GRID1: variants seen among roughly 807,000 people sequenced by gnomAD.
The protein encoded by GRID1 is glutamate ionotropic receptor delta type subunit 1.
Under a neutral mutation model 98.0 loss-of-function variants are expected in GRID1, and 28 were observed. That is an observed-to-expected ratio of 0.29 (90% CI 0.21 to 0.39). GRID1 has a LOEUF of 0.39. Ranked by LOEUF, GRID1 falls within the 10% of genes least tolerant of loss-of-function variation. The pLI is 1.00. For synonymous variants in GRID1, 553 were observed against 538.5 expected (o/e 1.03, Z -0.37); for missense variants, 1,111 against 1,340.5 (o/e 0.83, Z 2.67).
chr10:85,937,597 A>G (rs1841944086), intron 4 of GRID1, among the ~76,000 whole-genome samples: 1 of 152,142 alleles, frequency 6.6e-6, no homozygotes. Flanking sequence ...CTTAAACTGT[A>G]AGATTCTAGA....
chr10:86,021,471 T>C (rs1184256237), intron 4 of GRID1, among the ~76,000 whole-genome samples: 1 of 152,192 alleles, frequency 6.6e-6, no homozygotes, highest in Non-Finnish European at 1.5e-5. Flanking sequence ...GTTTGTTTCA[T>C]TAATTGTTTT....
chr10:85,618,423 A>G (rs968947974), intron 14 of GRID1, among the ~76,000 whole-genome samples: 3 of 152,248 alleles, frequency 2.0e-5, no homozygotes, highest in African/African-American at 7.2e-5. Context: ...AAGAACACCA[A>G]CGTGTTATAA....
intron 4 of GRID1, among the ~76,000 whole-genome samples, chr10:85,990,384 G>T (rs61856005): frequency 0.056 from 8,520 of 152,264 alleles, 302 homozygotes; most frequent in Middle Eastern, 0.092. Context: ...GGCTCAGGGG[G>T]AATAAGTGTG....
At chr10:85,798,289 A>C (rs1796213122) in intron 8 of GRID1, among the ~76,000 whole-genome samples, 1 of 152,236 alleles carries the variant, frequency 6.6e-6, no homozygotes, top group Non-Finnish European at 1.5e-5. Context: ...TGAAGGTAAT[A>C]AGAAGAGATA....
At chr10:86,012,440 G>T (rs183518983) in intron 4 of GRID1, among the ~76,000 whole-genome samples, 62 of 152,296 alleles carry the variant, frequency 4.1e-4, no homozygotes, top group African/African-American at 1.4e-3. Flanking sequence ...AGCTGGCAGA[G>T]GTTAATTGAC....
chr10:85,969,400 C>T (rs1409868971), intron 4 of GRID1, among the ~76,000 whole-genome samples: 2 of 152,130 alleles, frequency 1.3e-5, no homozygotes, highest in Non-Finnish European at 2.9e-5. Flanking sequence ...CTCATGCACA[C>T]ATGGAACATT....
intron 4 of GRID1, among the ~76,000 whole-genome samples, chr10:86,098,332 T>C (rs966275186): frequency 6.6e-6 from 1 of 152,238 alleles, no homozygotes; most frequent in African/African-American, 2.4e-5. Context: ...ATGTGCATTC[T>C]TGTGTCTTGC....
intron 8 of GRID1, among the ~76,000 whole-genome samples, chr10:85,794,837 T>C (rs993980529): frequency 6.6e-6 from 1 of 152,182 alleles, no homozygotes; most frequent in African/African-American, 2.4e-5. Flanking sequence ...AACACTGATG[T>C]AGAAGTGTGA....
chr10:86,203,587 TATCAGG>T (rs1845984389), intron 3 of GRID1, among the ~76,000 whole-genome samples: 1 of 108,526 alleles, frequency 9.2e-6, no homozygotes, highest in Admixed American at 9.4e-5. Flanking sequence ...ATGCTTGTCA[TATCAGG>T]AGGCCGATGA....
chr10:85,689,522 G>A (rs549927467), intron 12 of GRID1, among the ~76,000 whole-genome samples: 12 of 150,816 alleles, frequency 8.0e-5, no homozygotes, highest in Admixed American at 4.6e-4. Context: ...AAAACATTCA[G>A]AAGTTGCTGA....
intron 2 of GRID1, among the ~76,000 whole-genome samples, chr10:86,266,228 A>G (rs113264645): frequency 1.6e-3 from 250 of 151,702 alleles, no homozygotes; most frequent in African/African-American, 5.4e-3. Context: ...TAACACACCT[A>G]TGACCCCAGC....
rs372166953 is a variant in GRID1 at position 85,801,312 on chromosome 10, A to C, written c.1233+53184T>G. On this transcript the variant is annotated intron_variant, in intron 8 of 15. Transcript: ENST00000327946. The stretch of plus-strand genomic sequence containing the variant: ...AATTTTTACTAAATTTACAAGATGC[A>C]TGTTCTTTTTAGAAATATAAGCAAA... Among the ~76,000 whole-genome samples, 26 of 152,080 alleles carry C rather than the reference A, an allele frequency of 1.7e-4. 1 individual carries two copies. The East Asian group carries it at 3.9e-3, about 23-fold the overall frequency.
intron 2 of GRID1, among the ~76,000 whole-genome samples, chr10:86,272,513 C>T (rs1386387436): frequency 1.3e-5 from 2 of 152,164 alleles, no homozygotes; most frequent in African/African-American, 4.8e-5. Context: ...GGGAGCAGAG[C>T]AGATATTATT....
intron 2 of GRID1, among the ~76,000 whole-genome samples, chr10:86,223,266 G>A (rs1178197473): frequency 6.6e-6 from 1 of 152,144 alleles, no homozygotes; most frequent in Non-Finnish European, 1.5e-5. Context: ...CATGGAAGAT[G>A]GTGCTCCCTT....
intron 5 of GRID1, among the ~76,000 whole-genome samples, chr10:85,903,564 T>A (rs897435529): frequency 3.3e-5 from 5 of 152,142 alleles, no homozygotes; most frequent in Non-Finnish European, 5.9e-5. Context: ...AGGGTATAGT[T>A]TCAAAAAAAT....
In GRID1 at chr10:86,365,032, G is replaced by A. The variant is rs1270948351; in HGVS notation, c.80-936C>T. Among the ~76,000 whole-genome samples, 2 of 152,156 alleles carry A rather than the reference G, an allele frequency of 1.3e-5. No homozygotes were observed. The highest frequency in any genetic ancestry group is 2.9e-5 in the Non-Finnish European group (2 of 68,022). On this transcript the variant is annotated intron_variant, in intron 1 of 15. Transcript: ENST00000327946. The surrounding 1 kb of genome is among the most constrained non-coding windows in gnomAD (Gnocchi z 4.8). Reference sequence around the variant, plus strand: ...GCCTCACCAAGCCTCGAGGGTCCCTGAGGTCCCGGAGCTAGGCCCAGTGAT... The same window carrying A: ...GCCTCACCAAGCCTCGAGGGTCCCTAAGGTCCCGGAGCTAGGCCCAGTGAT...
chr10:86,260,495 C>T (rs996637830), intron 2 of GRID1, among the ~76,000 whole-genome samples: 6 of 152,196 alleles, frequency 3.9e-5, no homozygotes, highest in African/African-American at 1.4e-4. Flanking sequence ...TCAATAATCC[C>T]TGGACTCTAA....
At chr10:85,604,515 G>T (rs1334042371) in intron 15 of GRID1, among the ~76,000 whole-genome samples, 1 of 152,150 alleles carries the variant, frequency 6.6e-6, no homozygotes, top group Non-Finnish European at 1.5e-5. Context: ...CATTCGTGCT[G>T]GGAGACCATC....
chr10:85,625,471 G>T (rs1051140205), intron 13 of GRID1, among the ~76,000 whole-genome samples: 17 of 152,108 alleles, frequency 1.1e-4, no homozygotes, highest in African/African-American at 4.1e-4. Flanking sequence ...AAACAAACAT[G>T]GTCCAGACAA....
Sources: allele counts gnomAD v4.1 joint callset (sites outside exome capture counted in the v4.1 genomes callset), GRCh38; gene constraint gnomAD v4.1.1; non-coding constraint Gnocchi (gnomAD v3.1); transcripts MANE v1.5; gene names NCBI Gene and HGNC (gene_info 2026-07-23, HGNC 2026-07-21).